CFAP58: variants seen among roughly 807,000 people sequenced by gnomAD.
CFAP58 encodes cilia and flagella associated protein 58.
A neutral mutation model predicts 119.5 loss-of-function variants in CFAP58; 88 were observed. That is an observed-to-expected ratio of 0.74 (90% CI 0.62 to 0.88). CFAP58 has a LOEUF of 0.88. Among genes scored for constraint, CFAP58 ranks in the 40% least tolerant of loss-of-function variants. The pLI is 0.00. For synonymous variants in CFAP58, 365 were observed against 366.3 expected (o/e 1.00, Z 0.04); for missense variants, 990 against 1,021.2 (o/e 0.97, Z 0.42).
intron 9 of CFAP58, among the ~76,000 whole-genome samples, chr10:104,387,754 A>G (rs1270864200): frequency 6.6e-6 from 1 of 152,210 alleles, no homozygotes; most frequent in African/African-American, 2.4e-5. Context: ...AACATTTTTC[A>G]CATGATGCAC....
chr10:104,383,100 CA>C (rs1257129118), intron 9 of CFAP58, among the ~76,000 whole-genome samples: 1 of 152,090 alleles, frequency 6.6e-6, no homozygotes, highest in Non-Finnish European at 1.5e-5. Context: ...GGATAGAGTC[CA>C]ACCTCTTTGT....
At chr10:104,377,350 A>T (rs1322092531) in intron 8 of CFAP58, among the ~76,000 whole-genome samples, 1 of 152,136 alleles carries the variant, frequency 6.6e-6, no homozygotes, top group African/African-American at 2.4e-5. Flanking sequence ...GGGTTGCTGT[A>T]GGTTTTGGTT....
chr10:104,407,261 C>A (rs1365624800), intron 15 of CFAP58, among the ~76,000 whole-genome samples: 2 of 152,124 alleles, frequency 1.3e-5, no homozygotes, highest in African/African-American at 2.4e-5. Context: ...AGCAATTAGG[C>A]CTATATCTTT....
chr10:104,364,900 G>C lies in CFAP58; in HGVS notation c.597+11G>C, dbSNP rs1337812270. 2 of 1,609,534 alleles carry C rather than the reference G, an allele frequency of 1.2e-6. No individual in the cohort carries two copies. Among genetic ancestry groups the C allele is most frequent in the Non-Finnish European group, 1.7e-6 (2 of 1,178,398 alleles). ...CATGCCATCAGTCAGGTCTGCCATGGAGGGCAAGAAGAAGGAATATTTCCT... is the reference window on the plus strand; with the variant it reads ...CATGCCATCAGTCAGGTCTGCCATGCAGGGCAAGAAGAAGGAATATTTCCT... On this transcript the variant is annotated intron_variant, in intron 4 of 17. Transcript: ENST00000369704.
At chr10:104,427,754 C>T (rs1416743712) in intron 15 of CFAP58, among the ~76,000 whole-genome samples, 1 of 152,200 alleles carries the variant, frequency 6.6e-6, no homozygotes, top group Admixed American at 6.5e-5. Flanking sequence ...ATTATCTTTG[C>T]CCCTTCCCCA....
chr10:104,340,958 C>G, the CFAP58 span, among the ~76,000 whole-genome samples: 1 of 152,146 alleles, frequency 6.6e-6, no homozygotes, highest in Non-Finnish European at 1.5e-5. Context: ...TTTATCCCGG[C>G]CCTGGATGAA....
At chr10:104,340,117 C>T in the CFAP58 span, among the ~76,000 whole-genome samples, 1 of 152,052 alleles carries the variant, frequency 6.6e-6, no homozygotes, top group Non-Finnish European at 1.5e-5. Context: ...ATGATTTCAC[C>T]TTCTGTGTTC....
chr10:104,357,865 A>ATGTACATATG (rs1240430188), intron 1 of CFAP58, among the ~76,000 whole-genome samples: 1 of 106,196 alleles, frequency 9.4e-6, no homozygotes, highest in African/African-American at 3.4e-5. Context: ...ATACACATAT[A>ATGTACATATG]TACACATATA....
rs2012223355 is a variant in CFAP58 at position 104,399,478 on chromosome 10, G to A, written c.1793G>A (p.Arg598Lys). ...GCTGAGGCTGACGGGGAGAGGTTGAGACAGAAGAAGGAATTAGACCAGGTA... is the reference window on the plus strand; with the variant it reads ...GCTGAGGCTGACGGGGAGAGGTTGAAACAGAAGAAGGAATTAGACCAGGTA... ...IIAEADGERL[R>K]QKKELDQVIS... The change falls in exon 12 of 18, where the codon AGA becomes AAA. Residue 598 changes from arginine to lysine, a missense_variant. By Grantham distance (26) the Arg-to-Lys change is conservative. Coordinates refer to ENST00000369704, the MANE Select transcript of CFAP58 (RefSeq NM_001008723.2). 6.2e-7 allele frequency: 1 copy of A among 1,613,592 alleles called. No homozygotes were observed. The highest frequency in any genetic ancestry group is 1.3e-5 in the African/African-American group (1 of 74,878).
intron 15 of CFAP58, among the ~76,000 whole-genome samples, chr10:104,436,744 C>A (rs1204210029): frequency 6.6e-6 from 1 of 152,176 alleles, no homozygotes; most frequent in African/African-American, 2.4e-5. Context: ...AATATCGAAA[C>A]TATATCAGCT....
intron 1 of CFAP58, among the ~76,000 whole-genome samples, chr10:104,354,637 T>G (rs1293026845): frequency 1.3e-5 from 2 of 152,038 alleles, no homozygotes; most frequent in African/African-American, 4.8e-5. Flanking sequence ...ACCCAAATCC[T>G]TCATGGCCCC....
chr10:104,407,605 G>T (rs909048194), intron 15 of CFAP58, among the ~76,000 whole-genome samples: 1 of 152,166 alleles, frequency 6.6e-6, no homozygotes, highest in Non-Finnish European at 1.5e-5. Flanking sequence ...ATATTGTGAG[G>T]ATGGAAAGGG....
At chr10:104,400,966 T>A in intron 13 of CFAP58, 63 bp downstream of exon 13, 2 of 1,174,974 alleles carry the variant, frequency 1.7e-6, no homozygotes, top group Non-Finnish European at 2.5e-6. Context: ...CTAAAATCAC[T>A]TCGTAGTCAT....
chr10:104,393,616 C>T (rs2012096708), intron 11 of CFAP58, 141 bp downstream of exon 11: 2 of 705,810 alleles, frequency 2.8e-6, no homozygotes, highest in Non-Finnish European at 4.6e-6. Context: ...CCAAACCAAG[C>T]ACACAAGGCA....
upstream of CFAP58, among the ~76,000 whole-genome samples, chr10:104,349,286 A>G (rs963914065): frequency 6.6e-6 from 1 of 152,126 alleles, no homozygotes; most frequent in Admixed American, 6.6e-5. Context: ...ACAAAACAAA[A>G]CAAACAAAAA....
chr10:104,384,633 GC>G (rs1440662257), intron 9 of CFAP58, among the ~76,000 whole-genome samples: 1 of 152,190 alleles, frequency 6.6e-6, no homozygotes, highest in African/African-American at 2.4e-5. Flanking sequence ...CTGACTATCA[GC>G]GATTTCATAA....
chr10:104,438,973 T>A (rs186941589), intron 15 of CFAP58, among the ~76,000 whole-genome samples: 38 of 152,188 alleles, frequency 2.5e-4, no homozygotes, highest in Admixed American at 2.4e-3. Flanking sequence ...GTTCAATAAA[T>A]CTTAGAACCA....
At chr10:104,382,967 C>G (rs1485978162) in intron 9 of CFAP58, among the ~76,000 whole-genome samples, 1 of 152,166 alleles carries the variant, frequency 6.6e-6, no homozygotes, top group East Asian at 1.9e-4. Context: ...CTGGAGGAAC[C>G]AATCCAGGGA....
chr10:104,420,907 C>T (rs150050939), intron 15 of CFAP58, among the ~76,000 whole-genome samples: 1 of 151,966 alleles, frequency 6.6e-6, no homozygotes, highest in African/African-American at 2.4e-5. Context: ...CTTGTGCCCC[C>T]ACACCCGGCT....
Sources: allele counts gnomAD v4.1 joint callset (sites outside exome capture counted in the v4.1 genomes callset), GRCh38; gene constraint gnomAD v4.1.1; transcripts MANE v1.5; gene names NCBI Gene and HGNC (gene_info 2026-07-23, HGNC 2026-07-21).